NEUROG3: variants seen among roughly 807,000 people sequenced by gnomAD.
NEUROG3 encodes neurogenin 3.
For missense variants in NEUROG3, 307 were observed against 297.9 expected (o/e 1.03, Z -0.22); for synonymous variants, 161 against 139.2 (o/e 1.16, Z -1.10).
At position 69,573,373 on chromosome 10, in the gene NEUROG3, T is replaced by C; in HGVS notation, c.-165A>G. ...GAGAGAATGGGGTCCGAGGCCTCTG[T>C]CACGCTCTCTCTCGAGGCGCGGCGG... On this transcript the variant is annotated 5_prime_UTR_variant, in exon 1 of 2. Transcript: ENST00000242462. The C allele has an allele frequency of 2.3e-6, 1 of 426,734 alleles. No homozygotes were observed. 26.4% of individuals were successfully genotyped at this position (426,734 alleles called of 1,614,324 possible).
Position 69,572,450 on chromosome 10 carries a change from G to A in NEUROG3, c.594C>T (p.Thr198=), listed in dbSNP as rs1269114470. 2 of 1,589,364 alleles carry A rather than the reference G, an allele frequency of 1.3e-6. No homozygotes were observed. Among genetic ancestry groups the A allele is most frequent in the Admixed American group, 1.7e-5 (1 of 57,178 alleles). The part of the protein sequence containing the change: ...LEERPGLLGA[T]FSACLSPGSL... ...TGCCTGGGCTCAAGCAGGCGGAAAAGGTGGCCCCCAGCAGCCCGGGTCGCT... is the reference window on the plus strand; with the variant it reads ...TGCCTGGGCTCAAGCAGGCGGAAAAAGTGGCCCCCAGCAGCCCGGGTCGCT... Residue 198 remains threonine, a synonymous_variant, in exon 2 of 2, where the codon ACC becomes ACT. Transcript: ENST00000242462.
chr10:69,572,991 T>A lies in NEUROG3; in HGVS notation c.53A>T (p.Glu18Val), dbSNP rs747663752. 4.3e-6 allele frequency: 7 copies of A among 1,613,566 alleles called. No homozygotes were observed. Among genetic ancestry groups the A allele is most frequent in the Non-Finnish European group, 5.1e-6 (6 of 1,180,028 alleles). ...TTCCGAGGCTCTGGGGAAGGACCGC[T>A]CCGTCTCACGGGTCACTTGGACAGT... is the stretch of plus-strand genomic sequence containing the variant. The part of the protein sequence containing the change: ...APTVQVTRET[E>V]RSFPRASEDE... The change falls in exon 2 of 2, where the codon GAG becomes GTG. Residue 18 changes from glutamate (E) to valine (V), a missense_variant. Glu to Val is a moderately radical substitution (Grantham distance 121, BLOSUM62 -2). Coordinates refer to ENST00000242462, the MANE Select transcript of NEUROG3 (RefSeq NM_020999.4).
chr10:69,573,119 G>GA, intron 1 of NEUROG3, 75 bp from the exon 2 acceptor site: 1 of 1,552,198 alleles, frequency 6.4e-7, no homozygotes, highest in South Asian at 1.2e-5. Context: ...GGCTAGGTGG[G>GA]AAAAAACAAA....
In NEUROG3 at chr10:69,573,368, C is replaced by A; in HGVS notation, c.-160G>T. 3 of 436,418 alleles carry A rather than the reference C, an allele frequency of 6.9e-6. No individual in the cohort carries two copies. The highest frequency in any genetic ancestry group is 3.1e-5 in the South Asian group (1 of 32,154). 27.0% of individuals were successfully genotyped at this position (436,418 alleles called of 1,614,324 possible). A position where few individuals can be genotyped will look rare whatever the true frequency, so the allele number is the denominator to read the frequency against. On this transcript the variant is annotated 5_prime_UTR_variant, in exon 1 of 2. In the 5' UTR this introduces an upstream ATG that the reference lacks. Coordinates refer to ENST00000242462, the MANE Select transcript of NEUROG3 (RefSeq NM_020999.4). ...AAGAAGAGAGAATGGGGTCCGAGGC[C>A]TCTGTCACGCTCTCTCTCGAGGCGC...
Position 69,572,841 on chromosome 10 carries a change from C to G in NEUROG3, c.203G>C (p.Arg68Pro), listed in dbSNP as rs777870215. ...PRKLRARRGG[R>P]SRPKSELALS... ...TGCCAACTCGCTCTTAGGCCGGCTGCGTCCCCCGCGCCGTGCCCGGAGCTT... is the reference window on the plus strand; with the variant it reads ...TGCCAACTCGCTCTTAGGCCGGCTGGGTCCCCCGCGCCGTGCCCGGAGCTT... Residue 68 changes from arginine to proline, a missense_variant, in exon 2 of 2, where the codon CGC becomes CCC. Transcript: ENST00000242462. 6.2e-7 allele frequency: 1 copy of G among 1,610,016 alleles called. No homozygotes were observed. Among genetic ancestry groups the G allele is most frequent in the South Asian group, 1.1e-5 (1 of 90,726 alleles).
intron 1 of NEUROG3, 59 bp from the exon 2 acceptor site, chr10:69,573,103 T>G: frequency 1.3e-6 from 2 of 1,590,030 alleles, no homozygotes; most frequent in South Asian, 1.1e-5. Flanking sequence ...CAGTCCGCGA[T>G]TCCGAGGCTA....
At position 69,572,871 on chromosome 10, in the gene NEUROG3, G is replaced by C. The variant is rs766631052; in HGVS notation, c.173C>G (p.Pro58Arg). The C allele has an allele frequency of 2.5e-6, 4 of 1,609,302 alleles. No individual in the cohort carries two copies. The highest frequency in any genetic ancestry group is 2.5e-6 in the Non-Finnish European group (3 of 1,178,290). The change falls in exon 2 of 2, where the codon CCG becomes CGG. Residue 58 changes from proline to arginine, a missense_variant. Pro to Arg is a moderately radical substitution (Grantham distance 103). Coordinates refer to ENST00000242462, the MANE Select transcript of NEUROG3 (RefSeq NM_020999.4). The stretch of plus-strand genomic sequence containing the variant: ...CCCGCGCCGTGCCCGGAGCTTCCTC[G>C]GGGCCCCTCGGCAGCCTCCCTCTTC... ...EAEEGGCRGA[P>R]RKLRARRGGR...
In NEUROG3 at chr10:69,572,542, C is replaced by A. The variant is rs978039541; in HGVS notation, c.502G>T (p.Asp168Tyr). The change falls in exon 2 of 2, where the codon GAC becomes TAC. Residue 168 changes from aspartate (D) to tyrosine (Y), a missense_variant. By Grantham distance (160) the Asp-to-Tyr change is radical (BLOSUM62 -3). Coordinates refer to ENST00000242462, the MANE Select transcript of NEUROG3 (RefSeq NM_020999.4). Reference sequence around the variant, plus strand: ...ACTGGGGAGTAGAGGGACCCCCAGTCCCCGGGGGAACCGCCTGGGCTGCCC... The same window carrying A: ...ACTGGGGAGTAGAGGGACCCCCAGTACCCGGGGGAACCGCCTGGGCTGCCC... ...ELGSPGGSPGDWGSLYSPVSQ... is the reference protein window; with the variant it reads ...ELGSPGGSPGYWGSLYSPVSQ... 2 of 1,607,366 alleles carry A rather than the reference C, an allele frequency of 1.2e-6. No individual in the cohort carries two copies. The highest frequency in any genetic ancestry group is 2.3e-5 in the East Asian group (1 of 44,328).
Position 69,572,874 on chromosome 10 carries a change from G to T in NEUROG3, c.170C>A (p.Ala57Asp), listed in dbSNP as rs755171485. The change falls in exon 2 of 2, where the codon GCC becomes GAC. Residue 57 changes from alanine (A) to aspartate (D), a missense_variant. Coordinates refer to ENST00000242462, the MANE Select transcript of NEUROG3 (RefSeq NM_020999.4). ...GCGCCGTGCCCGGAGCTTCCTCGGG[G>T]CCCCTCGGCAGCCTCCCTCTTCCGC... ...AEAEEGGCRGAPRKLRARRGG... is the reference protein window; with the variant it reads ...AEAEEGGCRGDPRKLRARRGG... 2 of 1,609,592 alleles carry T rather than the reference G, an allele frequency of 1.2e-6. No individual in the cohort carries two copies. The highest frequency in any genetic ancestry group is 8.5e-7 in the Non-Finnish European group (1 of 1,178,408).
At chr10:69,573,150 C>A (rs1034921401) in intron 1 of NEUROG3, 60 bp downstream of exon 1, 3 of 1,292,890 alleles carry the variant, frequency 2.3e-6, no homozygotes, top group Non-Finnish European at 3.3e-6. Context: ...CTCCCAGCCC[C>A]CGCTGGGTCA....
rs1252694912 is a variant in NEUROG3 at position 69,572,230 on chromosome 10, C to G, written c.*169G>C. The G allele has an allele frequency of 3.9e-6, 3 of 767,808 alleles. No individual in the cohort carries two copies. Among genetic ancestry groups the G allele is most frequent in the Non-Finnish European group, 6.1e-6 (3 of 487,850 alleles). 47.6% of individuals were successfully genotyped at this position (767,808 alleles called of 1,614,324 possible). A position where few individuals can be genotyped will look rare whatever the true frequency, so the allele number is the denominator to read the frequency against. ...GCGGCTCGGAGGGCCGGGGAATGAA[C>G]CCAGCCTGCCGCCCCCGTGGAGGCC... On this transcript the variant is annotated 3_prime_UTR_variant, in exon 2 of 2. Transcript: ENST00000242462.
intron 1 of NEUROG3, 74 bp downstream of exon 1, chr10:69,573,136 C>T: frequency 7.0e-7 from 1 of 1,430,384 alleles, no homozygotes; most frequent in South Asian, 1.2e-5. Flanking sequence ...CAAAAACAGC[C>T]ATCCTCCCAG....
chr10:69,572,126 G>A lies in NEUROG3; in HGVS notation c.*273C>T, dbSNP rs901033194. The stretch of plus-strand genomic sequence containing the variant: ...TCTTTGAATGAGATTATGGGGTGGT[G>A]GCAGAGAGGAGGCCTAAAATGAGCG... On this transcript the variant is annotated 3_prime_UTR_variant, in exon 2 of 2. Coordinates refer to ENST00000242462, the MANE Select transcript of NEUROG3 (RefSeq NM_020999.4). The A allele has an allele frequency of 3.6e-6, 2 of 558,488 alleles. No individual in the cohort carries two copies. Among genetic ancestry groups the A allele is most frequent in the East Asian group, 3.0e-5 (1 of 32,998 alleles). 34.6% of individuals were successfully genotyped at this position (558,488 alleles called of 1,614,324 possible).
Position 69,572,912 on chromosome 10 carries a change from C to A in NEUROG3, c.132G>T (p.Gly44=). The A allele has an allele frequency of 6.2e-7, 1 of 1,611,950 alleles. No individual in the cohort carries two copies. The highest frequency in any genetic ancestry group is 1.1e-5 in the South Asian group (1 of 90,986). Residue 44 remains glycine (G), a synonymous_variant, in exon 2 of 2, where the codon GGG becomes GGT. Coordinates refer to ENST00000242462, the MANE Select transcript of NEUROG3 (RefSeq NM_020999.4). ...SAPPSPTRTR[G]NCAEAEEGGC... ...CTCCCTCTTCCGCCTCTGCGCAGTT[C>A]CCCCGTGTGCGAGTGGGGCTGGGCG...
rs760849020 is a variant in NEUROG3, at chr10:69,573,013, C to G, written c.31G>C (p.Val11Leu). The G allele has an allele frequency of 6.2e-7, 1 of 1,613,696 alleles. No homozygotes were observed. Among genetic ancestry groups the G allele is most frequent in the African/African-American group, 1.3e-5 (1 of 75,048 alleles). The change falls in exon 2 of 2, where the codon GTC becomes CTC. Residue 11 changes from valine (V) to leucine (L), a missense_variant. Val to Leu is a conservative substitution (Grantham distance 32). Coordinates refer to ENST00000242462, the MANE Select transcript of NEUROG3 (RefSeq NM_020999.4). ...CGCTCCGTCTCACGGGTCACTTGGA[C>G]AGTGGGCGCACCCGAGGGTTGAGGC... MTPQPSGAPT[V>L]QVTRETERSF...
rs770318960 is a variant in NEUROG3, at chr10:69,572,932, T to A, written c.112A>T (p.Ser38Cys). The A allele has an allele frequency of 3.1e-6, 5 of 1,612,612 alleles. No homozygotes were observed. The East Asian group carries it at 1.1e-4, about 36-fold the overall frequency. Reference protein sequence around the residue: ...EVTCPTSAPPSPTRTRGNCAE... With the variant: ...EVTCPTSAPPCPTRTRGNCAE... ...CAGTTCCCCCGTGTGCGAGTGGGGC[T>A]GGGCGGGGCGGACGTGGGGCAGGTC... Residue 38 changes from serine (S) to cysteine (C), a missense_variant, in exon 2 of 2, where the codon AGC (serine) becomes TGC (cysteine). By Grantham distance (112) the Ser-to-Cys change is moderately radical. Coordinates refer to ENST00000242462, the MANE Select transcript of NEUROG3 (RefSeq NM_020999.4).
chr10:69,572,642 C>G lies in NEUROG3; in HGVS notation c.402G>C (p.Ala134=). ...TLRFAHNYIW[A]LTQTLRIADH... ...CCGCTATGCGCAGCGTTTGAGTCAG[C>G]GCCCAGATGTAGTTGTGGGCGAAGC... Residue 134 remains alanine (A), a synonymous_variant, in exon 2 of 2, where the codon GCG becomes GCC. Coordinates refer to ENST00000242462, the MANE Select transcript of NEUROG3 (RefSeq NM_020999.4). 6.2e-7 allele frequency: 1 copy of G among 1,614,102 alleles called. No individual in the cohort carries two copies. The highest frequency in any genetic ancestry group is 8.5e-7 in the Non-Finnish European group (1 of 1,179,958).
chr10:69,571,641 T>C (rs937542994), downstream of NEUROG3: 1 of 152,160 alleles, frequency 6.6e-6, no homozygotes, highest in African/African-American at 2.4e-5. Context: ...TGTACCAAAA[T>C]TGATTTCAAA....
Position 69,572,973 on chromosome 10 carries a change from G to A in NEUROG3, c.71C>T (p.Ala24Val). Residue 24 changes from alanine (A) to valine (V), a missense_variant, in exon 2 of 2, where the codon GCC (alanine) becomes GTC (valine). Ala to Val is a moderately conservative substitution (Grantham distance 64). Transcript: ENST00000242462. ...TRETERSFPR[A>V]SEDEVTCPTS... Reference sequence around the variant, plus strand: ...GGGGCAGGTCACTTCGTCTTCCGAGGCTCTGGGGAAGGACCGCTCCGTCTC... The same window carrying A: ...GGGGCAGGTCACTTCGTCTTCCGAGACTCTGGGGAAGGACCGCTCCGTCTC... The A allele has an allele frequency of 6.2e-7, 1 of 1,613,602 alleles. No homozygotes were observed.
Sources: gnomAD v4.1 joint callset for allele counts on GRCh38, gnomAD v4.1.1 for gene constraint, MANE v1.5 for transcripts, NCBI Gene and HGNC (gene_info 2026-07-23, HGNC 2026-07-21) for gene names.